The following MACROD2 variants were observed in gnomAD, a reference collection of about 807,000 sequenced individuals.
MACROD2 encodes mono-ADP ribosylhydrolase 2.
MACROD2 carries 36 observed loss-of-function variants against 70.4 expected under a neutral mutation model. The ratio of observed to expected loss-of-function variants is 0.51; its 90% CI spans 0.39 to 0.68. MACROD2 has a LOEUF of 0.68. Among genes scored for constraint, MACROD2 ranks in the 30% least tolerant of loss-of-function variants. MACROD2 has a pLI of 0.00. For synonymous variants in MACROD2, 172 were observed against 178.8 expected, an observed-to-expected ratio of 0.96 and a Z score of 0.30; for missense variants, 496 against 538.4, an observed-to-expected ratio of 0.92 and a Z score of 0.78.
chr20:16,047,319 G>T (rs933238340), intron 17 of MACROD2, among the ~76,000 whole-genome samples: 1 of 152,152 alleles, frequency 6.6e-6, no homozygotes, highest in Non-Finnish European at 1.5e-5. Flanking sequence ...AATGTTTGGC[G>T]TTGTATAATT....
At chr20:15,476,935 G>T (rs572117086) in intron 7 of MACROD2, among the ~76,000 whole-genome samples, 2 of 152,062 alleles carry the variant, frequency 1.3e-5, no homozygotes, top group African/African-American at 2.4e-5. Context: ...GAAAAATCTC[G>T]AATTACTCAT....
In MACROD2 at chr20:14,772,516, T is replaced by G. The variant is rs1191357457; in HGVS notation, c.418+87557T>G. On this transcript the variant is annotated intron_variant, in intron 5 of 17. Transcript: ENST00000684519. ...GCTTGTGCAGGGAAACTCCCGTTTT[T>G]AAAACCATCAGATCTCCTGAGACTC... 2.0e-5 allele frequency among the ~76,000 whole-genome samples: 3 copies of G among 151,936 alleles called. 1 individual carries two copies. Among genetic ancestry groups the G allele is most frequent in the Admixed American group, 2.0e-4 (3 of 15,252 alleles).
At chr20:15,733,423 T>G (rs2050974394) in intron 8 of MACROD2, among the ~76,000 whole-genome samples, 1 of 152,184 alleles carries the variant, frequency 6.6e-6, no homozygotes, top group Non-Finnish European at 1.5e-5. Flanking sequence ...ATTCTCTAGT[T>G]TTCTAAAGTA....
intron 5 of MACROD2, among the ~76,000 whole-genome samples, chr20:14,837,901 C>CCACATTT (rs2073047259): frequency 6.6e-6 from 1 of 151,014 alleles, no homozygotes; most frequent in African/African-American, 2.4e-5. Context: ...ATTCCACATT[C>CCACATTT]CCCCTGAGGG....
At chr20:15,642,564 G>A (rs535639169) in intron 8 of MACROD2, among the ~76,000 whole-genome samples, 1 of 150,764 alleles carries the variant, frequency 6.6e-6, no homozygotes, top group African/African-American at 2.4e-5. Flanking sequence ...AACCTAAAGA[G>A]GGAGGGAAGT....
chr20:14,257,450 A>G (rs2082066788), intron 3 of MACROD2, among the ~76,000 whole-genome samples: 1 of 152,116 alleles, frequency 6.6e-6, no homozygotes, highest in South Asian at 2.1e-4. Context: ...TATAGTTACC[A>G]GGTTTTTTTA....
intron 2 of MACROD2, among the ~76,000 whole-genome samples, chr20:14,066,557 A>G (rs2148658580): frequency 6.6e-6 from 1 of 152,312 alleles, no homozygotes; most frequent in African/African-American, 2.4e-5. Context: ...AATTTTACCC[A>G]AGACCCACAG....
chr20:15,294,287 C>T (rs1457792810), intron 6 of MACROD2, among the ~76,000 whole-genome samples: 1 of 152,070 alleles, frequency 6.6e-6, no homozygotes, highest in African/African-American at 2.4e-5. Flanking sequence ...TCTTTCCCAC[C>T]TTTTCCTATG....
intron 4 of MACROD2, among the ~76,000 whole-genome samples, chr20:14,599,346 A>AT (rs1402258992): frequency 6.6e-6 from 1 of 152,004 alleles, no homozygotes; most frequent in Non-Finnish European, 1.5e-5. Context: ...TTGGTGGGAG[A>AT]TAGGAGAATG....
intron 8 of MACROD2, among the ~76,000 whole-genome samples, chr20:15,566,127 G>T (rs2146616384): frequency 6.6e-6 from 1 of 152,208 alleles, no homozygotes; most frequent in South Asian, 2.1e-4. Flanking sequence ...ACCCAAGCTT[G>T]TTCTTAAAAA....
At chr20:15,256,165 T>C (rs933682440) in intron 6 of MACROD2, among the ~76,000 whole-genome samples, 4 of 152,106 alleles carry the variant, frequency 2.6e-5, no homozygotes, top group African/African-American at 4.8e-5. Flanking sequence ...TTTTAAACAA[T>C]TACACAAAGT....
rs566020142 is a variant in MACROD2, at chr20:14,962,920, C to T, written c.419-267020C>T. Among the ~76,000 whole-genome samples the T allele has an allele frequency of 3.9e-5, 6 of 152,240 alleles. No individual in the cohort carries two copies. The East Asian group carries it at 1.2e-3, about 29-fold the overall frequency. ...ACTCAGAAAGCTGTGTTACCCAAAT[C>T]ATTTACAATTTGAGTTGGTTGGAGA... On this transcript the variant is annotated intron_variant, in intron 5 of 17. Transcript: ENST00000684519.
intron 8 of MACROD2, among the ~76,000 whole-genome samples, chr20:15,745,500 G>C (rs1426087904): frequency 6.6e-6 from 1 of 152,032 alleles, no homozygotes; most frequent in African/African-American, 2.4e-5. Flanking sequence ...TCTCTCTATA[G>C]CCTGGATACT....
At chr20:14,506,437 T>C (rs2084970464) in intron 4 of MACROD2, among the ~76,000 whole-genome samples, 1 of 152,128 alleles carries the variant, frequency 6.6e-6, no homozygotes, top group Non-Finnish European at 1.5e-5. Context: ...TAGATATTTG[T>C]GCAAAAGGAC....
At chr20:14,250,881 C>A (rs1206646350) in intron 3 of MACROD2, among the ~76,000 whole-genome samples, 1 of 151,932 alleles carries the variant, frequency 6.6e-6, no homozygotes, top group Non-Finnish European at 1.5e-5. Flanking sequence ...CTTATTTAAG[C>A]CAGTAATTGC....
rs577990821 is a variant in MACROD2 at position 15,923,837 on chromosome 20, G to A, written c.776-9439G>A. Among the ~76,000 whole-genome samples the A allele has an allele frequency of 2.0e-5, 3 of 152,134 alleles. No homozygotes were observed. The South Asian group carries it at 6.2e-4, about 32-fold the overall frequency. On this transcript the variant is annotated intron_variant, in intron 10 of 17. Transcript: ENST00000684519. ...TACTTGCAAATTAATTTCATATGAA[G>A]TAAAGAGAATATGTTGAGATTTATT...
rs1298736527 is a variant in MACROD2, at chr20:15,233,967, TTTTATATATATTTATTTA to T, written c.540+3908_540+3925del. On this transcript the variant is annotated intron_variant, in intron 6 of 17. Coordinates refer to ENST00000684519, the MANE Select transcript of MACROD2 (RefSeq NM_001351661.2). Reference sequence around the variant, plus strand: ...TTACCCTTGGATCCAAAAAATTTATTTTTATATATATTTATTTATATATATATATATATATATATATAT... The same window carrying T: ...TTACCCTTGGATCCAAAAAATTTATTTATATATATATATATATATATATAT... Among the ~76,000 whole-genome samples, 38 of 48,590 alleles carry T rather than the reference TTTTATATATATTTATTTA, an allele frequency of 7.8e-4. 4 individuals are homozygous for T. Among genetic ancestry groups the T allele is most frequent in the South Asian group, 3.8e-3 (6 of 1,574 alleles). 31.9% of individuals were successfully genotyped at this position (48,590 alleles called of 152,430 possible). A position where few individuals can be genotyped will look rare whatever the true frequency, so the allele number is the denominator to read the frequency against.
At chr20:15,455,984 A>G (rs2046719489) in intron 7 of MACROD2, among the ~76,000 whole-genome samples, 1 of 152,138 alleles carries the variant, frequency 6.6e-6, no homozygotes, top group Non-Finnish European at 1.5e-5. Context: ...CCTGAGGGAT[A>G]GCTCTGTTGA....
At chr20:14,874,938 C>T (rs944060168) in intron 5 of MACROD2, among the ~76,000 whole-genome samples, 3 of 151,796 alleles carry the variant, frequency 2.0e-5, no homozygotes, top group African/African-American at 7.3e-5. Context: ...CTCCTGGCCT[C>T]ATATGATCTG....
Sources: gnomAD v4.1 joint callset for allele counts (sites outside exome capture counted in the v4.1 genomes callset) on GRCh38, gnomAD v4.1.1 for gene constraint, MANE v1.5 for transcripts, NCBI Gene and HGNC (gene_info 2026-07-23, HGNC 2026-07-21) for gene names.